Variants in GPC6 observed in about 807,000 individuals in gnomAD.
The protein encoded by GPC6 is glypican-6.
Under a neutral mutation model 55.2 loss-of-function variants are expected in GPC6, and 14 were observed. The ratio of observed to expected loss-of-function variants is 0.25; its 90% CI spans 0.17 to 0.40. The LOEUF is 0.40. GPC6 is among the 10% of genes least tolerant of loss of function. The pLI is 1.00. For synonymous variants in GPC6, 278 were observed against 259.6 expected (o/e 1.07, Z -0.68); for missense variants, 641 against 708.5 (o/e 0.90, Z 1.08).
chr13:93,466,085 A>G (rs1878893213), intron 1 of GPC6, among the ~76,000 whole-genome samples: 1 of 152,190 alleles, frequency 6.6e-6, no homozygotes, highest in African/African-American at 2.4e-5. Context: ...ATACAGTAAT[A>G]AGGAAAAGTT....
chr13:93,873,184 C>T (rs1265623351), intron 3 of GPC6, among the ~76,000 whole-genome samples: 1 of 151,726 alleles, frequency 6.6e-6, no homozygotes, highest in Admixed American at 6.6e-5. Flanking sequence ...GAACTGTTTA[C>T]TGTTCACATT....
At chr13:93,664,071 A>T (rs902107176) in intron 2 of GPC6, among the ~76,000 whole-genome samples, 1 of 152,192 alleles carries the variant, frequency 6.6e-6, no homozygotes, top group African/African-American at 2.4e-5. Context: ...ATGGTTCTGA[A>T]GATTGCTCAA....
At chr13:93,415,518 G>C (rs966775387) in intron 1 of GPC6, among the ~76,000 whole-genome samples, 1 of 151,972 alleles carries the variant, frequency 6.6e-6, no homozygotes, top group African/African-American at 2.4e-5. Flanking sequence ...GCAAATCTAA[G>C]ACTATTTCTC....
At position 94,170,923 on chromosome 13, in the gene GPC6, A is replaced by G. The variant is rs527497443; in HGVS notation, c.878-115426A>G. On this transcript the variant is annotated intron_variant, in intron 4 of 8. Coordinates refer to ENST00000377047, the MANE Select transcript of GPC6 (RefSeq NM_005708.5). ...GTTGTTTTCTGCCTACTCCATGTCC[A>G]GAGTGCGAGGAAATAAATCTAGGAT... 1.1e-4 allele frequency among the ~76,000 whole-genome samples: 16 copies of G among 152,334 alleles called. 1 individual carries two copies. The South Asian group carries it at 3.3e-3, about 32-fold the overall frequency.
intron 5 of GPC6, 57 bp from the exon 6 acceptor site, chr13:94,305,923 T>C: frequency 6.4e-7 from 1 of 1,554,090 alleles, no homozygotes; most frequent in African/African-American, 1.4e-5. Context: ...TTCTGCTTCA[T>C]GAATTTAGGA....
upstream of GPC6, among the ~76,000 whole-genome samples, chr13:93,224,483 C>A (rs1258328242): frequency 6.6e-6 from 1 of 152,170 alleles, no homozygotes; most frequent in Non-Finnish European, 1.5e-5. Flanking sequence ...CATGAGCCAC[C>A]GTGCCTGGCC....
chr13:93,237,836 T>C (rs564818262), intron 1 of GPC6, among the ~76,000 whole-genome samples: 87 of 152,290 alleles, frequency 5.7e-4, no homozygotes, highest in Non-Finnish European at 8.1e-4. Context: ...CTTTCCCCAG[T>C]GTATGTTTTT....
chr13:93,658,566 G>GA (rs1217075981), intron 2 of GPC6, among the ~76,000 whole-genome samples: 4 of 151,446 alleles, frequency 2.6e-5, no homozygotes, highest in Non-Finnish European at 4.4e-5. Context: ...TACAAGTACT[G>GA]AAAAAAATCT....
At chr13:93,562,350 A>G (rs3848062) in intron 2 of GPC6, among the ~76,000 whole-genome samples, 1 of 152,172 alleles carries the variant, frequency 6.6e-6, no homozygotes, top group African/African-American at 2.4e-5. Context: ...TAAACGTATA[A>G]CATATGAAAT....
chr13:93,780,147 T>C (rs752112098), intron 2 of GPC6, among the ~76,000 whole-genome samples: 3 of 152,050 alleles, frequency 2.0e-5, no homozygotes, highest in Non-Finnish European at 4.4e-5. Context: ...AAAACAAATA[T>C]GGATTCAAGA....
intron 2 of GPC6, among the ~76,000 whole-genome samples, chr13:93,659,947 T>C (rs1349886904): frequency 3.9e-5 from 6 of 152,132 alleles, no homozygotes; most frequent in Admixed American, 6.5e-5. Context: ...TAGATTAACA[T>C]TGACAATGTG....
Position 94,302,526 on chromosome 13 carries a change from T to G in GPC6, c.1009-3454T>G, listed in dbSNP as rs116815501. ...GTATTAAACATCAAATTATTAATTT[T>G]TACTTTGTAAGTCATCTAAGTTATA... is the stretch of plus-strand genomic sequence containing the variant. On this transcript the variant is annotated intron_variant, in intron 5 of 8. Transcript: ENST00000377047. 2.0e-3 allele frequency among the ~76,000 whole-genome samples: 303 copies of G among 152,382 alleles called. 1 individual carries two copies. Among genetic ancestry groups the G allele is most frequent in the African/African-American group, 6.9e-3 (288 of 41,586 alleles).
intron 4 of GPC6, among the ~76,000 whole-genome samples, chr13:94,225,196 T>A (rs1890508887): frequency 6.6e-6 from 1 of 152,126 alleles, no homozygotes; most frequent in Admixed American, 6.6e-5. Context: ...CAAGATTAAT[T>A]TTTTTCCTCA....
chr13:93,627,327 A>G (rs1347256529), intron 2 of GPC6, among the ~76,000 whole-genome samples: 6 of 152,168 alleles, frequency 3.9e-5, no homozygotes, highest in Admixed American at 3.9e-4. Flanking sequence ...TGCAAAGGAC[A>G]TGAACTCATC....
intron 2 of GPC6, among the ~76,000 whole-genome samples, chr13:93,651,296 G>A (rs537418748): frequency 6.7e-6 from 1 of 150,122 alleles, no homozygotes; most frequent in Admixed American, 6.7e-5. Flanking sequence ...GGAAATAAAT[G>A]CCAACTAGAT....
At chr13:93,360,040 G>A (rs9301871) in intron 1 of GPC6, among the ~76,000 whole-genome samples, 52,610 of 151,668 alleles carry the variant, frequency 0.35, 10,753 homozygotes, top group East Asian at 0.79. Context: ...TTTCAAAGGG[G>A]AAACTCAGGA....
At chr13:93,617,468 A>AT (rs1055684790) in intron 2 of GPC6, among the ~76,000 whole-genome samples, 6 of 152,010 alleles carry the variant, frequency 3.9e-5, no homozygotes, top group Admixed American at 3.3e-4. Context: ...ATAAAGCAAC[A>AT]TTTTTCTGAT....
At chr13:93,291,402 G>T (rs1267534430) in intron 1 of GPC6, among the ~76,000 whole-genome samples, 1 of 152,128 alleles carries the variant, frequency 6.6e-6, no homozygotes, top group African/African-American at 2.4e-5. Flanking sequence ...TTTACCCACT[G>T]TATCGTAGAC....
intron 1 of GPC6, among the ~76,000 whole-genome samples, chr13:93,346,444 T>A (rs1457532102): frequency 6.6e-6 from 1 of 152,172 alleles, no homozygotes; most frequent in East Asian, 1.9e-4. Context: ...ACTGTTGACT[T>A]CTCCATGCTT....
Sources: allele counts gnomAD v4.1 joint callset (sites outside exome capture counted in the v4.1 genomes callset), GRCh38; gene constraint gnomAD v4.1.1; transcripts MANE v1.5; gene names NCBI Gene and HGNC (gene_info 2026-07-23, HGNC 2026-07-21).